Variants in SEMA5A observed in about 807,000 individuals in gnomAD.
SEMA5A encodes the protein semaphorin-5A.
Under a neutral mutation model 135.5 loss-of-function variants are expected in SEMA5A, and 55 were observed. That is an observed-to-expected ratio of 0.41 (90% confidence interval 0.33 to 0.51). The LOEUF is 0.51. Ranked by LOEUF, SEMA5A falls within the 20% of genes least tolerant of loss-of-function variation. The pLI is 0.37. For synonymous variants in SEMA5A, 580 were observed against 546.5 expected, an observed-to-expected ratio of 1.06 and a Z score of -0.85; for missense variants, 1,290 against 1,419.9, an observed-to-expected ratio of 0.91 and a Z score of 1.47.
In SEMA5A at chr5:9,040,952, G is replaced by A. The variant is rs1202253940; in HGVS notation, c.*1945C>T. ...TATCTGATGATGAAAATCCAGCCGAGGAACAATTGGAGAACCATCCGGCTA... is the reference window on the plus strand; with the variant it reads ...TATCTGATGATGAAAATCCAGCCGAAGAACAATTGGAGAACCATCCGGCTA... On this transcript the variant is annotated 3_prime_UTR_variant, in exon 23 of 23. Transcript: ENST00000382496. 6.6e-6 allele frequency: 1 copy of A among 152,180 alleles called. No homozygotes were observed. The highest frequency in any genetic ancestry group is 1.5e-5 in the Non-Finnish European group (1 of 68,042). The allele number at this position is 152,180 out of a possible 1,614,324, so 9.4% of individuals were successfully genotyped here. A position where few individuals can be genotyped will look rare whatever the true frequency, so the allele number is the denominator to read the frequency against.
At chr5:9,186,952 C>T (rs1579567073) in intron 11 of SEMA5A, among the ~76,000 whole-genome samples, 1 of 152,282 alleles carries the variant, frequency 6.6e-6, no homozygotes, top group South Asian at 2.1e-4. Context: ...TAATCAATCT[C>T]TCTTTATCCC....
chr5:9,400,124 C>T (rs974467420), intron 2 of SEMA5A, among the ~76,000 whole-genome samples: 5 of 152,102 alleles, frequency 3.3e-5, no homozygotes, highest in African/African-American at 1.2e-4. Context: ...CACATGGACA[C>T]AGCGAGGGGA....
intron 1 of SEMA5A, among the ~76,000 whole-genome samples, chr5:9,528,340 T>C (rs1270465834): frequency 1.3e-5 from 2 of 152,062 alleles, no homozygotes; most frequent in Non-Finnish European, 2.9e-5. Context: ...TTCAGGTCCC[T>C]GATTACACAT....
chr5:9,496,854 C>A (rs1383407396), intron 1 of SEMA5A, among the ~76,000 whole-genome samples: 1 of 152,180 alleles, frequency 6.6e-6, no homozygotes, highest in Non-Finnish European at 1.5e-5. Flanking sequence ...CTATGAGGAT[C>A]TTTTTAAAGC....
At chr5:9,107,031 T>C (rs903626740) in intron 16 of SEMA5A, among the ~76,000 whole-genome samples, 1 of 152,236 alleles carries the variant, frequency 6.6e-6, no homozygotes, top group African/African-American at 2.4e-5. Context: ...TGTGTGGTTT[T>C]TGCATGTCAC....
At chr5:9,063,139 A>T in intron 17 of SEMA5A, 34 bp from the exon 18 acceptor site, 5 of 1,574,896 alleles carry the variant, frequency 3.2e-6, no homozygotes, top group Non-Finnish European at 4.3e-6. Flanking sequence ...TGATTCTGTT[A>T]CAAGTTTCAG....
At chr5:9,232,859 TATTG>T (rs991283888) in intron 6 of SEMA5A, among the ~76,000 whole-genome samples, 2 of 152,232 alleles carry the variant, frequency 1.3e-5, no homozygotes, top group African/African-American at 2.4e-5. Context: ...GTGTCCCATG[TATTG>T]ATTAACTCAC....
Position 9,297,720 on chromosome 5 carries a change from A to ATT in SEMA5A, c.270+20650_270+20651dup, listed in dbSNP as rs70943952. ...CAGGTACATGCCACCATGTCAAGCT[A>ATT]TTTTTTTTTTTTTGTATTTTTAGTA... is the stretch of plus-strand genomic sequence containing the variant. On this transcript the variant is annotated intron_variant, in intron 5 of 22. Transcript: ENST00000382496. 7.8e-3 allele frequency among the ~76,000 whole-genome samples: 1,119 copies of ATT among 144,066 alleles called. 18 individuals are homozygous for ATT. Among genetic ancestry groups the ATT allele is most frequent in the East Asian group, 0.022 (106 of 4,858 alleles). 94.5% of individuals were successfully genotyped at this position (144,066 alleles called of 152,430 possible). A position where few individuals can be genotyped will look rare whatever the true frequency, so the allele number is the denominator to read the frequency against.
At chr5:9,467,995 T>A (rs1177838309) in intron 1 of SEMA5A, among the ~76,000 whole-genome samples, 1 of 152,204 alleles carries the variant, frequency 6.6e-6, no homozygotes, top group Non-Finnish European at 1.5e-5. Context: ...TTATTATCCC[T>A]ATTATGTGGA....
chr5:9,498,526 G>A (rs994909818), intron 1 of SEMA5A: 2 of 152,130 alleles, frequency 1.3e-5, no homozygotes, highest in Admixed American at 1.3e-4. Context: ...TCAGACTACT[G>A]TATGGATGCT....
rs1301320427 is a variant in SEMA5A, at chr5:9,516,104, TA to T, written c.-175+29479del. Among the ~76,000 whole-genome samples the T allele has an allele frequency of 5.9e-5, 9 of 152,342 alleles. No homozygotes were observed. The East Asian group carries it at 1.7e-3, about 29-fold the overall frequency. On this transcript the variant is annotated intron_variant, in intron 1 of 22. Transcript: ENST00000382496. ...AAATTTACTGAACACCTACGGTATA[TA>T]AAGCACTGTGCAAGGCACTGCTGAG... is the stretch of plus-strand genomic sequence containing the variant.
chr5:9,058,074 G>A (rs1036968715), intron 18 of SEMA5A, among the ~76,000 whole-genome samples: 1 of 152,162 alleles, frequency 6.6e-6, no homozygotes, highest in African/African-American at 2.4e-5. Flanking sequence ...ACTGTGGAAG[G>A]CACAGCATGT....
At chr5:9,316,576 T>C (rs1000082496) in intron 5 of SEMA5A, among the ~76,000 whole-genome samples, 1 of 152,216 alleles carries the variant, frequency 6.6e-6, no homozygotes, top group Non-Finnish European at 1.5e-5. Context: ...AGTTTCTATC[T>C]ACTAAACGAT....
intron 16 of SEMA5A, among the ~76,000 whole-genome samples, chr5:9,091,366 G>C (rs1739025277): frequency 6.6e-6 from 1 of 152,124 alleles, no homozygotes; most frequent in Non-Finnish European, 1.5e-5. Flanking sequence ...ATGTACCCAT[G>C]GGGTACATCT....
At chr5:9,295,376 T>C (rs1267708504) in intron 5 of SEMA5A, among the ~76,000 whole-genome samples, 1 of 152,262 alleles carries the variant, frequency 6.6e-6, no homozygotes, top group Non-Finnish European at 1.5e-5. Flanking sequence ...CCTTTGTGAG[T>C]TGGAATTCTG....
intron 2 of SEMA5A, among the ~76,000 whole-genome samples, chr5:9,381,986 G>A (rs992741082): frequency 2.2e-4 from 15 of 69,434 alleles, no homozygotes; most frequent in Admixed American, 1.4e-3. Context: ...GTGTGTGCGC[G>A]CGCGCGCACA....
intron 9 of SEMA5A, among the ~76,000 whole-genome samples, chr5:9,198,723 A>G (rs1579594270): frequency 6.6e-6 from 1 of 152,088 alleles, no homozygotes; most frequent in Non-Finnish European, 1.5e-5. Flanking sequence ...ATCCTTAGAG[A>G]GAATGGGAGA....
rs1379688570 is a variant in SEMA5A at position 9,262,908 on chromosome 5, A to T, written c.271-25018T>A. Among the ~76,000 whole-genome samples the T allele has an allele frequency of 3.5e-4, 47 of 136,204 alleles. No individual in the cohort carries two copies. The East Asian group carries it at 8.1e-3, about 24-fold the overall frequency. The allele number at this position is 136,204 out of a possible 152,430, so 89.4% of individuals were successfully genotyped here. A position where few individuals can be genotyped will look rare whatever the true frequency, so the allele number is the denominator to read the frequency against. ...ACTTAGATTATAATAAAAAAAAAAA[A>T]TTAAAAAAAAAAAGAAAATATATTT... On this transcript the variant is annotated intron_variant, in intron 5 of 22. Coordinates refer to ENST00000382496, the MANE Select transcript of SEMA5A (RefSeq NM_003966.3).
intron 1 of SEMA5A, among the ~76,000 whole-genome samples, chr5:9,529,924 G>A (rs1737348389): frequency 6.6e-6 from 1 of 152,114 alleles, no homozygotes; most frequent in African/African-American, 2.4e-5. Context: ...GTAGCCCTAG[G>A]CATAGTTCCC....
Sources: gnomAD v4.1 joint callset for allele counts (sites outside exome capture counted in the v4.1 genomes callset) on GRCh38, gnomAD v4.1.1 for gene constraint, MANE v1.5 for transcripts, NCBI Gene and HGNC (gene_info 2026-07-23, HGNC 2026-07-21) for gene names.